The following CLIP1 variants were observed in gnomAD, a reference collection of about 807,000 sequenced individuals.
The protein encoded by CLIP1 is CAP-Gly domain containing linker protein 1.
Under a neutral mutation model 161.6 loss-of-function variants are expected in CLIP1, and 66 were observed. The observed-to-expected ratio is 0.41, with a 90% CI of 0.33 to 0.50. The LOEUF is 0.50. Among genes scored for constraint, CLIP1 ranks in the 20% least tolerant of loss-of-function variants. The pLI is 0.27. For missense variants in CLIP1, 1,376 were observed against 1,702.0 expected, an observed-to-expected ratio of 0.81 and a Z score of 3.37; for synonymous variants, 598 against 626.2, an observed-to-expected ratio of 0.96 and a Z score of 0.67.
chr12:122,381,863 T>C (rs942352410), intron 1 of CLIP1, among the ~76,000 whole-genome samples: 1 of 152,164 alleles, frequency 6.6e-6, no homozygotes, highest in Non-Finnish European at 1.5e-5. Context: ...CAGATATAAT[T>C]AAGAATCTTG....
rs1386669590 is a variant in CLIP1 at position 122,334,063 on chromosome 12, A to G, written c.2674T>C (p.Ser892Pro). ...TCTCTCAGCTTCTCCAAGTCAGAAG[A>G]CAGCATGTTAAACTGTTCCTCCTTT... ...HQKEEQFNMLSSDLEKLRENL... is the reference protein window; with the variant it reads ...HQKEEQFNMLPSDLEKLRENL... Residue 892 changes from serine to proline, a missense_variant, in exon 14 of 26, where the codon TCT becomes CCT. Physicochemically the swap from Ser to Pro is moderately conservative, Grantham distance 74. Coordinates refer to ENST00000620786, the MANE Select transcript of CLIP1 (RefSeq NM_001247997.2). 1 of 1,613,278 alleles carries G rather than the reference A, an allele frequency of 6.2e-7. No homozygotes were observed. Among genetic ancestry groups the G allele is most frequent in the African/African-American group, 1.3e-5 (1 of 74,936 alleles).
chr12:122,296,993 C>T lies in CLIP1; in HGVS notation c.3595-8452G>A, dbSNP rs572140273. 8.6e-5 allele frequency among the ~76,000 whole-genome samples: 13 copies of T among 151,878 alleles called. No homozygotes were observed. In the South Asian group the frequency reaches 2.5e-3, roughly 29 times the overall value. Reference sequence around the variant, plus strand: ...ACACAGAGATTCATTGTACTGCTCACTCTGCTTCTGTGTATGCTTGAAACT... The same window carrying T: ...ACACAGAGATTCATTGTACTGCTCATTCTGCTTCTGTGTATGCTTGAAACT... On this transcript the variant is annotated intron_variant, in intron 20 of 25. Coordinates refer to ENST00000620786, the MANE Select transcript of CLIP1 (RefSeq NM_001247997.2).
chr12:122,409,532 T>A (rs902984987), intron 1 of CLIP1, among the ~76,000 whole-genome samples: 1 of 152,164 alleles, frequency 6.6e-6, no homozygotes, highest in Non-Finnish European at 1.5e-5. Flanking sequence ...TGGTTTCATT[T>A]GGATTTTAAT....
At position 122,394,323 on chromosome 12, in the gene CLIP1, C is replaced by T. The variant is rs145355477; in HGVS notation, c.-106-13765G>A. ...CCAACATGGTGAAACCCCGTCTCTA[C>T]TAAAAATACAAAAAAATCAGCTGGG... On this transcript the variant is annotated intron_variant, in intron 1 of 25. Transcript: ENST00000620786. Among the ~76,000 whole-genome samples the T allele has an allele frequency of 2.2e-4, 34 of 151,616 alleles. No homozygotes were observed. In the East Asian group the frequency reaches 4.7e-3, roughly 21 times the overall value.
Position 122,354,446 on chromosome 12 carries a change from G to T in CLIP1, c.1307+7C>A. 1 of 1,609,858 alleles carries T rather than the reference G, an allele frequency of 6.2e-7. No individual in the cohort carries two copies. Among genetic ancestry groups the T allele is most frequent in the Non-Finnish European group, 8.5e-7 (1 of 1,176,784 alleles). Reference sequence around the variant, plus strand: ...CACACTTGCACCAGGAAACAGTCTGGGGTCACCTTTTCTCCTCTTCAAGCT... The same window carrying T: ...CACACTTGCACCAGGAAACAGTCTGTGGTCACCTTTTCTCCTCTTCAAGCT... On this transcript the variant is annotated splice_region_variant and intron_variant, in intron 7 of 25. Coordinates refer to ENST00000620786, the MANE Select transcript of CLIP1 (RefSeq NM_001247997.2).
At chr12:122,409,971 C>T (rs1331872742) in intron 1 of CLIP1, among the ~76,000 whole-genome samples, 7 of 147,598 alleles carry the variant, frequency 4.7e-5, no homozygotes, top group East Asian at 2.0e-4. Flanking sequence ...CCTGGGTTCA[C>T]GCCATTCTCC....
At position 122,377,589 on chromosome 12, in the gene CLIP1, T is replaced by C. The variant is rs762331351; in HGVS notation, c.457A>G (p.Thr153Ala). ...GGGGAGGAAGACACCATGCTGGCCG[T>C]AGAAGTGCACAGCGGTGAAGTAGCT... ...SRATSPLCTSTASMVSSSPST... is the reference protein window; with the variant it reads ...SRATSPLCTSAASMVSSSPST... The change falls in exon 3 of 26, where the codon ACG becomes GCG. Residue 153 changes from threonine (T) to alanine (A), a missense_variant. By Grantham distance (58) the Thr-to-Ala change is moderately conservative. This residue lies in a region of CLIP1 where 119 missense variants were observed against 112.0 expected (regional missense o/e 1.06). Transcript: ENST00000620786. The C allele has an allele frequency of 7.4e-6, 12 of 1,613,914 alleles. No homozygotes were observed. Among genetic ancestry groups the C allele is most frequent in the Non-Finnish European group, 1.0e-5 (12 of 1,180,000 alleles).
At chr12:122,390,240 A>C (rs1955563508) in intron 1 of CLIP1, among the ~76,000 whole-genome samples, 1 of 119,222 alleles carries the variant, frequency 8.4e-6, no homozygotes, top group Non-Finnish European at 1.7e-5. Flanking sequence ...ATATACACAC[A>C]CATATATATA....
At chr12:122,288,647 G>T in intron 20 of CLIP1, 106 bp from the exon 21 acceptor site, 1 of 887,282 alleles carries the variant, frequency 1.1e-6, no homozygotes, top group Non-Finnish European at 1.7e-6. Flanking sequence ...TAAAGCCATT[G>T]GCTTTCCTCA....
intron 20 of CLIP1, among the ~76,000 whole-genome samples, chr12:122,302,471 A>G (rs1029342649): frequency 2.6e-5 from 4 of 151,912 alleles, no homozygotes; most frequent in Non-Finnish European, 5.9e-5. Context: ...ATTATTTTGG[A>G]CCAATTTTTC....
intron 20 of CLIP1, among the ~76,000 whole-genome samples, chr12:122,292,195 G>A (rs1421992235): frequency 2.0e-5 from 3 of 150,850 alleles, no homozygotes; most frequent in Non-Finnish European, 4.4e-5. Context: ...TAGAGATGGA[G>A]TTTCACTATA....
chr12:122,352,094 A>G (rs1351081904), intron 8 of CLIP1, among the ~76,000 whole-genome samples: 1 of 135,742 alleles, frequency 7.4e-6, no homozygotes, highest in African/African-American at 2.7e-5. Context: ...GTCTCGACCC[A>G]TCCCCCAAGC....
At chr12:122,314,478 A>C (rs1951187372) in intron 19 of CLIP1, among the ~76,000 whole-genome samples, 5 of 152,056 alleles carry the variant, frequency 3.3e-5, no homozygotes, top group Admixed American at 2.6e-4. Flanking sequence ...GAAACAAACA[A>C]ACAAATAAAA....
At chr12:122,417,971 A>G (rs1379370879) in intron 1 of CLIP1, among the ~76,000 whole-genome samples, 1 of 152,038 alleles carries the variant, frequency 6.6e-6, no homozygotes, top group African/African-American at 2.4e-5. Flanking sequence ...CTCGAAAGTC[A>G]CATTCCCAGC....
chr12:122,316,697 T>C, intron 19 of CLIP1, 52 bp downstream of exon 19: 1 of 1,123,010 alleles, frequency 8.9e-7, no homozygotes, highest in Non-Finnish European at 1.3e-6. Context: ...TGTGTTCACA[T>C]TTTCAATTTA....
At chr12:122,412,565 G>GA (rs1956582020) in intron 1 of CLIP1, among the ~76,000 whole-genome samples, 1 of 151,826 alleles carries the variant, frequency 6.6e-6, no homozygotes, top group Non-Finnish European at 1.5e-5. Flanking sequence ...TGAGGCAGGA[G>GA]AATCATTTGA....
chr12:122,352,388 G>A (rs559181987), intron 8 of CLIP1, among the ~76,000 whole-genome samples: 2 of 152,222 alleles, frequency 1.3e-5, no homozygotes, highest in East Asian at 3.9e-4. Flanking sequence ...AATTTAAAAT[G>A]CCTTTTCTAA....
At chr12:122,417,393 G>A (rs904989770) in intron 1 of CLIP1, among the ~76,000 whole-genome samples, 1 of 152,092 alleles carries the variant, frequency 6.6e-6, no homozygotes, top group Non-Finnish European at 1.5e-5. Context: ...TTGAGTCCAG[G>A]AGTCCAAGGC....
chr12:122,353,991 C>A (rs1953193062), intron 7 of CLIP1, among the ~76,000 whole-genome samples: 1 of 152,160 alleles, frequency 6.6e-6, no homozygotes. Context: ...AGACGCTCTT[C>A]ACACAGTATG....
Sources: allele counts gnomAD v4.1 joint callset (sites outside exome capture counted in the v4.1 genomes callset), GRCh38; gene constraint gnomAD v4.1.1; regional missense constraint gnomAD v4.1.1; transcripts MANE v1.5; gene names NCBI Gene and HGNC (gene_info 2026-07-23, HGNC 2026-07-21).